INPP4B: variants seen among roughly 807,000 people sequenced by gnomAD.
The protein encoded by INPP4B is inositol polyphosphate 4-phosphatase type II.
INPP4B carries 55 observed loss-of-function variants against 122.5 expected under a neutral mutation model. The ratio of observed to expected loss-of-function variants is 0.45; its 90% CI spans 0.36 to 0.56. INPP4B has a LOEUF of 0.56. Ranked by LOEUF, INPP4B falls within the 20% of genes least tolerant of loss-of-function variation. INPP4B has a pLI of 0.00. For missense variants in INPP4B, 1,000 were observed against 1,097.7 expected (o/e 0.91, Z 1.26); for synonymous variants, 403 against 388.7 (o/e 1.04, Z -0.43).
chr4:142,532,215 C>T (rs1034382522), intron 2 of INPP4B, among the ~76,000 whole-genome samples: 5 of 152,170 alleles, frequency 3.3e-5, no homozygotes, highest in South Asian at 4.1e-4. Context: ...CACTTGAGGG[C>T]CTGCATATGC....
chr4:142,536,978 G>T (rs1828275491), intron 2 of INPP4B, among the ~76,000 whole-genome samples: 1 of 151,926 alleles, frequency 6.6e-6, no homozygotes, highest in Admixed American at 6.6e-5. Flanking sequence ...TGTATTTTTA[G>T]TAGAGACAGG....
At chr4:142,106,704 T>C (rs1161338027) in intron 23 of INPP4B, among the ~76,000 whole-genome samples, 1 of 152,168 alleles carries the variant, frequency 6.6e-6, no homozygotes, top group East Asian at 1.9e-4. Context: ...AACATTAGCA[T>C]GAATCAGAAG....
At chr4:142,197,126 C>CA (rs376793889) in intron 14 of INPP4B, among the ~76,000 whole-genome samples, 4 of 67,228 alleles carry the variant, frequency 5.9e-5, no homozygotes, top group Non-Finnish European at 1.1e-4. Flanking sequence ...AACTCCGTCT[C>CA]AAAAAAAAAA....
At chr4:142,577,961 T>A (rs1178123880) in intron 2 of INPP4B, among the ~76,000 whole-genome samples, 1 of 151,956 alleles carries the variant, frequency 6.6e-6, no homozygotes, top group Non-Finnish European at 1.5e-5. Context: ...TTACTTAACA[T>A]GTTACACTCA....
chr4:142,647,335 G>A (rs979906917), intron 2 of INPP4B, among the ~76,000 whole-genome samples: 24 of 151,996 alleles, frequency 1.6e-4, no homozygotes, highest in African/African-American at 4.8e-4. Context: ...ATAATAATTT[G>A]GAAATGAAAT....
rs567007378 is a variant in INPP4B at position 142,739,577 on chromosome 4, T to C, written c.-253-13676A>G. On this transcript the variant is annotated intron_variant, in intron 1 of 25. Transcript: ENST00000262992. ...AAAAATTATCAATGTAACATACTGG[T>C]ATACATACACCACCACCACAAAATG... Among the ~76,000 whole-genome samples the C allele has an allele frequency of 2.1e-3, 318 of 151,976 alleles. 1 individual carries two copies. The highest frequency in any genetic ancestry group is 7.3e-3 in the African/African-American group (304 of 41,492).
chr4:142,569,723 G>A (rs972243300), intron 2 of INPP4B, among the ~76,000 whole-genome samples: 17 of 152,022 alleles, frequency 1.1e-4, no homozygotes, highest in African/African-American at 3.9e-4. Context: ...ATCCAAATTC[G>A]CATTCTGATA....
intron 2 of INPP4B, among the ~76,000 whole-genome samples, chr4:142,518,471 T>C (rs1825686716): frequency 6.6e-6 from 1 of 152,176 alleles, no homozygotes; most frequent in South Asian, 2.1e-4. Flanking sequence ...TTTAAAATTA[T>C]ATACATGCTA....
At chr4:142,374,160 C>T (rs573999948) in intron 7 of INPP4B, among the ~76,000 whole-genome samples, 10 of 151,966 alleles carry the variant, frequency 6.6e-5, no homozygotes, top group African/African-American at 1.7e-4. Context: ...GTAATACACA[C>T]GCTTATTATT....
intron 2 of INPP4B, among the ~76,000 whole-genome samples, chr4:142,649,405 C>T (rs1021558104): frequency 6.6e-6 from 1 of 152,098 alleles, no homozygotes; most frequent in South Asian, 2.1e-4. Context: ...TTCAGAAGGT[C>T]GGTAATAACA....
chr4:142,515,936 C>A (rs574329207), intron 2 of INPP4B, among the ~76,000 whole-genome samples: 4 of 152,224 alleles, frequency 2.6e-5, no homozygotes, highest in South Asian at 4.2e-4. Flanking sequence ...GTCAAAGATT[C>A]ATTTTTGTTT....
chr4:142,684,402 T>C (rs1759064051), intron 2 of INPP4B, among the ~76,000 whole-genome samples: 1 of 152,046 alleles, frequency 6.6e-6, no homozygotes, highest in Non-Finnish European at 1.5e-5. Flanking sequence ...ACATGCTTGG[T>C]TATCTGCAGA....
Position 142,246,929 on chromosome 4 carries a change from G to A in INPP4B, c.689-8918C>T, listed in dbSNP as rs1286800452. ...GCCCATTCAGTGTGATATTGGCTGTGGGTTTGTCATAAACAGCTCCTATTA... is the reference window on the plus strand; with the variant it reads ...GCCCATTCAGTGTGATATTGGCTGTAGGTTTGTCATAAACAGCTCCTATTA... On this transcript the variant is annotated intron_variant, in intron 11 of 25. Transcript: ENST00000262992. Among the ~76,000 whole-genome samples the A allele has an allele frequency of 2.0e-5, 3 of 152,098 alleles. No homozygotes were observed. The East Asian group carries it at 5.8e-4, about 29-fold the overall frequency.
At chr4:142,524,738 C>A (rs1826625745) in intron 2 of INPP4B, among the ~76,000 whole-genome samples, 1 of 152,108 alleles carries the variant, frequency 6.6e-6, no homozygotes, top group African/African-American at 2.4e-5. Context: ...GGACGTATTT[C>A]AAAATAATAA....
At chr4:142,459,749 G>A (rs186109896) in intron 3 of INPP4B, among the ~76,000 whole-genome samples, 69 of 152,196 alleles carry the variant, frequency 4.5e-4, no homozygotes, top group African/African-American at 9.2e-4. Context: ...GGCTATCTGC[G>A]TCCTAGCACT....
chr4:142,134,273 G>T (rs577646739), intron 18 of INPP4B, among the ~76,000 whole-genome samples: 1 of 152,104 alleles, frequency 6.6e-6, no homozygotes, highest in Non-Finnish European at 1.5e-5. Flanking sequence ...GATGTGAGAC[G>T]CAGAGAATGT....
chr4:142,076,819 A>C (rs1466385472), intron 25 of INPP4B, among the ~76,000 whole-genome samples: 2 of 152,126 alleles, frequency 1.3e-5, no homozygotes, highest in Admixed American at 1.3e-4. Context: ...TTAATATTTG[A>C]AATAGGATAT....
At chr4:142,422,526 T>C (rs1807153540) in intron 5 of INPP4B, among the ~76,000 whole-genome samples, 1 of 151,958 alleles carries the variant, frequency 6.6e-6, no homozygotes, top group Non-Finnish European at 1.5e-5. Context: ...GCAAGAAGGC[T>C]AGGTGTGGTG....
At chr4:142,699,476 G>C (rs1268743965) in intron 2 of INPP4B, among the ~76,000 whole-genome samples, 1 of 152,114 alleles carries the variant, frequency 6.6e-6, no homozygotes, top group East Asian at 1.9e-4. Context: ...AAATCACAGA[G>C]CTCCACCTAC....
Sources: gnomAD v4.1 joint callset for allele counts (sites outside exome capture counted in the v4.1 genomes callset) on GRCh38, gnomAD v4.1.1 for gene constraint, MANE v1.5 for transcripts, NCBI Gene and HGNC (gene_info 2026-07-23, HGNC 2026-07-21) for gene names.